The following ARL8B variants were observed in gnomAD, a reference collection of about 807,000 sequenced individuals.
The protein encoded by ARL8B is ADP-ribosylation factor-like protein 8B.
Under a neutral mutation model 30.6 loss-of-function variants are expected in ARL8B, and 9 were observed. The observed-to-expected ratio is 0.29, with a 90% confidence interval of 0.18 to 0.51. The LOEUF (loss-of-function observed/expected upper bound fraction) is 0.51, where lower values mean the gene tolerates loss of function less well. Ranked by LOEUF, ARL8B falls within the 20% of genes least tolerant of loss-of-function variation. The pLI, the probability that ARL8B is intolerant of heterozygous loss-of-function variation, is 0.97. For missense variants in ARL8B, 130 were observed against 227.2 expected (o/e 0.57, Z 2.75); for synonymous variants, 74 against 76.0 (o/e 0.97, Z 0.14).
intron 1 of ARL8B, among the ~76,000 whole-genome samples, chr3:5,150,759 G>A (rs1385447726): frequency 6.6e-6 from 1 of 152,144 alleles, no homozygotes; most frequent in Non-Finnish European, 1.5e-5. Context: ...CTCCACCATG[G>A]GTGATAGAGT....
chr3:5,167,716 A>G (rs2054635917), intron 1 of ARL8B, among the ~76,000 whole-genome samples: 1 of 152,246 alleles, frequency 6.6e-6, no homozygotes, highest in Admixed American at 6.5e-5. Context: ...ATGCTGATGA[A>G]TGTTAAGTGC....
At chr3:5,152,458 T>C (rs1335384067) in intron 1 of ARL8B, among the ~76,000 whole-genome samples, 5 of 152,208 alleles carry the variant, frequency 3.3e-5, no homozygotes, top group Non-Finnish European at 7.3e-5. Flanking sequence ...ACTTCTAACT[T>C]ACCTCTCCCT....
chr3:5,124,025 C>T (rs1424876543), intron 1 of ARL8B, among the ~76,000 whole-genome samples: 1 of 152,100 alleles, frequency 6.6e-6, no homozygotes, highest in Non-Finnish European at 1.5e-5. Flanking sequence ...AGACGTCCTC[C>T]ACCACGCCCG....
intron 1 of ARL8B, among the ~76,000 whole-genome samples, chr3:5,147,093 T>C (rs537512866): frequency 6.6e-6 from 1 of 152,132 alleles, no homozygotes; most frequent in South Asian, 2.1e-4. Flanking sequence ...TACATATGTA[T>C]ACATGTGCCA....
intron 1 of ARL8B, among the ~76,000 whole-genome samples, chr3:5,134,115 T>G (rs2054305949): frequency 6.6e-6 from 1 of 152,158 alleles, no homozygotes; most frequent in South Asian, 2.1e-4. Flanking sequence ...GTATAAGAGA[T>G]ACAGGAAGTA....
At chr3:5,157,521 C>T (rs1438289615) in intron 1 of ARL8B, among the ~76,000 whole-genome samples, 1 of 152,126 alleles carries the variant, frequency 6.6e-6, no homozygotes, top group Non-Finnish European at 1.5e-5. Flanking sequence ...CAGGTTCTTT[C>T]TCCATACCAC....
At position 5,161,265 on chromosome 3, in the gene ARL8B, A is replaced by G. The variant is rs183115399; in HGVS notation, c.124-9238A>G. Among the ~76,000 whole-genome samples the G allele has an allele frequency of 3.3e-5, 5 of 152,316 alleles. No homozygotes were observed. In the East Asian group the frequency reaches 9.6e-4, roughly 29 times the overall value. Reference sequence around the variant, plus strand: ...GCCCCTGTCCCATAAGGCAAATCTGATTGTTTGCCAGATTACCATAAACTC... The same window carrying G: ...GCCCCTGTCCCATAAGGCAAATCTGGTTGTTTGCCAGATTACCATAAACTC... On this transcript the variant is annotated intron_variant, in intron 1 of 6. Coordinates refer to ENST00000256496, the MANE Select transcript of ARL8B (RefSeq NM_018184.3).
chr3:5,125,959 A>T (rs1218363228), intron 1 of ARL8B, among the ~76,000 whole-genome samples: 6 of 152,222 alleles, frequency 3.9e-5, no homozygotes, highest in Non-Finnish European at 8.8e-5. Context: ...TCCACACTGT[A>T]AACATGTATC....
chr3:5,122,624 C>T lies in ARL8B; in HGVS notation c.123+36C>T, dbSNP rs376563141. On this transcript the variant is annotated intron_variant, in intron 1 of 6. Transcript: ENST00000256496. ...GCCCACTCACTCGCCCGGGGCTCCG[C>T]AGCCAGGAGTCCGGCCCGGCGCTTC... The T allele has an allele frequency of 2.2e-5, 34 of 1,574,716 alleles. No individual in the cohort carries two copies. In the African/African-American group the frequency reaches 4.4e-4, roughly 20 times the overall value.
chr3:5,135,202 A>G (rs2054313994), intron 1 of ARL8B, among the ~76,000 whole-genome samples: 1 of 152,120 alleles, frequency 6.6e-6, no homozygotes, highest in Non-Finnish European at 1.5e-5. Context: ...ATCCTATTTT[A>G]TGTAATCATC....
chr3:5,168,982 TATA>T (rs1448631754), intron 1 of ARL8B, among the ~76,000 whole-genome samples: 1 of 152,136 alleles, frequency 6.6e-6, no homozygotes, highest in Non-Finnish European at 1.5e-5. Context: ...TTAAGAAAAA[TATA>T]ATCACGATTT....
At chr3:5,174,639 C>G (rs1052939671) in intron 6 of ARL8B, among the ~76,000 whole-genome samples, 2 of 143,684 alleles carry the variant, frequency 1.4e-5, no homozygotes, top group Non-Finnish European at 3.0e-5. Context: ...ATCTCTCTCT[C>G]TCTCATACAA....
intron 1 of ARL8B, among the ~76,000 whole-genome samples, chr3:5,152,652 A>G (rs2054494788): frequency 6.6e-6 from 1 of 152,164 alleles, no homozygotes; most frequent in African/African-American, 2.4e-5. Context: ...CACCTAGCTA[A>G]TTTTTAAATT....
Position 5,128,828 on chromosome 3 carries a change from G to A in ARL8B, c.123+6240G>A, listed in dbSNP as rs201846947. ...TTTGTCTTCTTAATGTGTATATCCA[G>A]ATGTCTTTTAAAAAGTTCTGAGATA... On this transcript the variant is annotated intron_variant, in intron 1 of 6. Transcript: ENST00000256496. Among the ~76,000 whole-genome samples the A allele has an allele frequency of 5.3e-5, 8 of 152,254 alleles. No homozygotes were observed. The East Asian group carries it at 5.8e-4, about 11-fold the overall frequency.
At chr3:5,134,162 G>A (rs1477967560) in intron 1 of ARL8B, among the ~76,000 whole-genome samples, 1 of 152,154 alleles carries the variant, frequency 6.6e-6, no homozygotes, top group Admixed American at 6.6e-5. Flanking sequence ...CAAAAGAGTG[G>A]GTTGTAGGAT....
At chr3:5,133,910 G>A (rs2054304347) in intron 1 of ARL8B, among the ~76,000 whole-genome samples, 1 of 152,152 alleles carries the variant, frequency 6.6e-6, no homozygotes, top group Admixed American at 6.5e-5. Flanking sequence ...ATTCCAGCCT[G>A]GGCGACAGAG....
intron 1 of ARL8B, among the ~76,000 whole-genome samples, chr3:5,148,754 T>G (rs2054452129): frequency 6.6e-6 from 1 of 152,160 alleles, no homozygotes; most frequent in Non-Finnish European, 1.5e-5. Flanking sequence ...ATCGAAGGCT[T>G]ATGAATAGGG....
chr3:5,145,945 CCT>C (rs1372698481), intron 1 of ARL8B, among the ~76,000 whole-genome samples: 1 of 152,024 alleles, frequency 6.6e-6, no homozygotes, highest in Non-Finnish European at 1.5e-5. Flanking sequence ...CTTGCAATCC[CCT>C]CTCTCCTAGG....
chr3:5,171,299 A>G (rs1020871681), intron 2 of ARL8B, among the ~76,000 whole-genome samples: 6 of 152,218 alleles, frequency 3.9e-5, no homozygotes. Flanking sequence ...CGGAGTAGAC[A>G]CAATAATAAA....
Sources: allele counts gnomAD v4.1 joint callset (sites outside exome capture counted in the v4.1 genomes callset), GRCh38; gene constraint gnomAD v4.1.1; transcripts MANE v1.5; gene names NCBI Gene and HGNC (gene_info 2026-07-23, HGNC 2026-07-21).